The following TMEM132D variants were observed in gnomAD, a reference collection of about 807,000 sequenced individuals.
The protein encoded by TMEM132D is mature OL transmembrane protein.
In TMEM132D, 21 loss-of-function variants were observed where a neutral mutation model predicts 62.3. That is an observed-to-expected ratio of 0.34 (90% CI 0.24 to 0.49). TMEM132D has a LOEUF of 0.49. TMEM132D is among the 20% of genes least tolerant of loss of function. The pLI is 0.99. For synonymous variants in TMEM132D, 621 were observed against 575.6 expected (o/e 1.08, Z -1.13); for missense variants, 1,346 against 1,402.8 (o/e 0.96, Z 0.65).
intron 4 of TMEM132D, among the ~76,000 whole-genome samples, chr12:129,305,216 A>G (rs895175529): frequency 6.6e-6 from 1 of 152,230 alleles, no homozygotes; most frequent in African/African-American, 2.4e-5. Flanking sequence ...TTGAAAAATA[A>G]TCAGAGACAA....
At chr12:129,764,358 A>C (rs1870482020) in intron 1 of TMEM132D, among the ~76,000 whole-genome samples, 1 of 152,216 alleles carries the variant, frequency 6.6e-6, no homozygotes, top group Admixed American at 6.5e-5. Context: ...TGACAATATT[A>C]TAGTAGGGTT....
chr12:129,750,155 G>C (rs982354172), intron 1 of TMEM132D, among the ~76,000 whole-genome samples: 1 of 151,736 alleles, frequency 6.6e-6, no homozygotes, highest in South Asian at 2.1e-4. Context: ...GTGCGATCTC[G>C]GCTCCCTGCA....
At chr12:129,718,420 C>T (rs1313229176) in intron 1 of TMEM132D, among the ~76,000 whole-genome samples, 1 of 152,220 alleles carries the variant, frequency 6.6e-6, no homozygotes, top group Non-Finnish European at 1.5e-5. Context: ...CGTCTGGTGC[C>T]CATGTTACCA....
At chr12:129,520,579 C>T (rs1338991600) in intron 3 of TMEM132D, among the ~76,000 whole-genome samples, 4 of 144,908 alleles carry the variant, frequency 2.8e-5, no homozygotes, top group Non-Finnish European at 4.7e-5. Context: ...GATGTAGACA[C>T]GATAAATATT....
intron 4 of TMEM132D, among the ~76,000 whole-genome samples, chr12:129,222,101 C>T (rs1238571666): frequency 6.6e-6 from 1 of 152,072 alleles, no homozygotes; most frequent in East Asian, 1.9e-4. Flanking sequence ...TTTTGGCACT[C>T]ACACTAAAAT....
At chr12:129,809,357 T>C (rs1211956691) in intron 1 of TMEM132D, among the ~76,000 whole-genome samples, 1 of 148,980 alleles carries the variant, frequency 6.7e-6, no homozygotes, top group African/African-American at 2.5e-5. Context: ...AAACCTTGGG[T>C]CCAGGTGGAA....
chr12:129,222,410 G>C (rs887168427), intron 4 of TMEM132D, among the ~76,000 whole-genome samples: 15 of 152,154 alleles, frequency 9.9e-5, no homozygotes, highest in South Asian at 2.1e-4. Context: ...GTTTCCTTCA[G>C]GCAATTGTTT....
intron 3 of TMEM132D, among the ~76,000 whole-genome samples, chr12:129,460,354 G>T (rs1368742394): frequency 2.6e-5 from 4 of 152,156 alleles, no homozygotes; most frequent in Non-Finnish European, 5.9e-5. Context: ...ATTATTTCCA[G>T]GATTGGAGAT....
At position 129,337,762 on chromosome 12, in the gene TMEM132D, C is replaced by T; in HGVS notation, c.1171G>A (p.Gly391Ser). 6.2e-7 allele frequency: 1 copy of T among 1,614,082 alleles called. No homozygotes were observed. Among genetic ancestry groups the T allele is most frequent in the Non-Finnish European group, 8.5e-7 (1 of 1,179,972 alleles). Reference sequence around the variant, plus strand: ...ACCAGCTGTGTGGCTGGCAGGTCACCAGGCTCTTCCACCTCCACATCGATC... The same window carrying T: ...ACCAGCTGTGTGGCTGGCAGGTCACTAGGCTCTTCCACCTCCACATCGATC... ...MQIDVEVEEP[G>S]DLPATQLVTW... is the part of the protein sequence containing the mutation. The change falls in exon 4 of 9, where the codon GGT becomes AGT. Residue 391 changes from glycine to serine, a missense_variant. Coordinates refer to ENST00000422113, the MANE Select transcript of TMEM132D (RefSeq NM_133448.3).
intron 1 of TMEM132D, among the ~76,000 whole-genome samples, chr12:129,864,760 G>C (rs1276479961): frequency 1.3e-5 from 2 of 152,234 alleles, no homozygotes; most frequent in African/African-American, 4.8e-5. Context: ...CCTGAAGTAA[G>C]TTTGGGTTGG....
rs747816717 is a variant in TMEM132D, at chr12:129,074,948, C to G, written c.2227G>C (p.Val743Leu). 6.2e-7 allele frequency: 1 copy of G among 1,614,070 alleles called. No homozygotes were observed. Among genetic ancestry groups the G allele is most frequent in the Non-Finnish European group, 8.5e-7 (1 of 1,180,012 alleles). The change falls in exon 9 of 9, where the codon GTC becomes CTC. Residue 743 changes from valine to leucine, a missense_variant. Coordinates refer to ENST00000422113, the MANE Select transcript of TMEM132D (RefSeq NM_133448.3). ...AATTTGGGGTCTTGGTGGATGGAGA[C>G]TACCTTCTCATCCAAAGATGTGGCC... ...LMATSLDEKVVSIHQDPKFKW... is the reference protein window; with the variant it reads ...LMATSLDEKVLSIHQDPKFKW...
chr12:129,172,804 C>A (rs940344610), intron 5 of TMEM132D, among the ~76,000 whole-genome samples: 5 of 152,130 alleles, frequency 3.3e-5, no homozygotes, highest in African/African-American at 1.2e-4. Context: ...TCTCAAACTC[C>A]CGGCCTCAGG....
At chr12:129,738,881 G>A (rs567357900) in intron 1 of TMEM132D, among the ~76,000 whole-genome samples, 4 of 152,222 alleles carry the variant, frequency 2.6e-5, no homozygotes, top group East Asian at 3.9e-4. Context: ...TCTTCTACAC[G>A]TACATTATAC....
intron 2 of TMEM132D, among the ~76,000 whole-genome samples, chr12:129,560,270 CTT>C (rs3046687): frequency 0.74 from 107,553 of 146,166 alleles, 39,621 homozygotes; most frequent in East Asian, 0.94. Flanking sequence ...CTTTTGTTTT[CTT>C]TTTTTTTTTT....
intron 4 of TMEM132D, among the ~76,000 whole-genome samples, chr12:129,327,892 C>G (rs965874568): frequency 6.6e-6 from 1 of 152,232 alleles, no homozygotes; most frequent in Non-Finnish European, 1.5e-5. Context: ...TGTGCCATGC[C>G]TGATGGGGTC....
At position 129,446,991 on chromosome 12, in the gene TMEM132D, A is replaced by G. The variant is rs76644115; in HGVS notation, c.1115+84068T>C. Reference sequence around the variant, plus strand: ...CACACAGAGCATTATCTAACCATCAATTCAAATCTAAAACAAGCTAATCTG... The same window carrying G: ...CACACAGAGCATTATCTAACCATCAGTTCAAATCTAAAACAAGCTAATCTG... On this transcript the variant is annotated intron_variant, in intron 3 of 8. Transcript: ENST00000422113. Among the ~76,000 whole-genome samples, 687 of 152,280 alleles carry G rather than the reference A, an allele frequency of 4.5e-3. 6 individuals carry two copies. The highest frequency in any genetic ancestry group is 0.016 in the African/African-American group (658 of 41,558).
chr12:129,832,530 G>A (rs925660171), intron 1 of TMEM132D, among the ~76,000 whole-genome samples: 8 of 152,132 alleles, frequency 5.3e-5, no homozygotes, highest in South Asian at 2.1e-4. Context: ...TGACATCCTC[G>A]CAGCTTCCCC....
intron 3 of TMEM132D, among the ~76,000 whole-genome samples, chr12:129,381,805 A>G (rs1465185411): frequency 2.0e-5 from 3 of 152,148 alleles, no homozygotes; most frequent in African/African-American, 4.8e-5. Context: ...TCTTGTAATC[A>G]GCATCTGCAC....
intron 3 of TMEM132D, among the ~76,000 whole-genome samples, chr12:129,377,195 C>T (rs753453865): frequency 3.3e-5 from 5 of 152,134 alleles, no homozygotes; most frequent in South Asian, 2.1e-4. Flanking sequence ...ATGAAGGCAT[C>T]GGGAGAAGGC....
Sources: allele counts gnomAD v4.1 joint callset (sites outside exome capture counted in the v4.1 genomes callset), GRCh38; gene constraint gnomAD v4.1.1; transcripts MANE v1.5; gene names NCBI Gene and HGNC (gene_info 2026-07-23, HGNC 2026-07-21).